MAP2K6: variants seen among roughly 807,000 people sequenced by gnomAD.
MAP2K6 encodes the protein mitogen-activated protein kinase kinase 6, also known as dual specificity mitogen-activated protein kinase kinase 6.
A neutral mutation model predicts 53.7 loss-of-function variants in MAP2K6; 16 were observed. The observed-to-expected ratio is 0.30, with a 90% CI of 0.20 to 0.45. The LOEUF is 0.45. Ranked by LOEUF, MAP2K6 falls within the 20% of genes least tolerant of loss-of-function variation. The pLI, the probability that MAP2K6 is intolerant of heterozygous loss-of-function variation, is 1.00. For synonymous variants in MAP2K6, 132 were observed against 143.1 expected, an observed-to-expected ratio of 0.92 and a Z score of 0.55; for missense variants, 204 against 411.9, an observed-to-expected ratio of 0.50 and a Z score of 4.37.
intron 1 of MAP2K6, among the ~76,000 whole-genome samples, chr17:69,452,554 T>C (rs1371919458): frequency 6.6e-6 from 1 of 152,164 alleles, no homozygotes; most frequent in African/African-American, 2.4e-5. Context: ...TAGATAACAG[T>C]AGATTCACAT....
intron 1 of MAP2K6, among the ~76,000 whole-genome samples, chr17:69,462,623 GT>G (rs1450075246): frequency 2.0e-5 from 3 of 152,158 alleles, no homozygotes; most frequent in Admixed American, 1.3e-4. Context: ...GTGACCCTGT[GT>G]GATTAAGTCT....
intron 1 of MAP2K6, among the ~76,000 whole-genome samples, chr17:69,468,973 A>G (rs1007612300): frequency 6.6e-6 from 1 of 152,222 alleles, no homozygotes; most frequent in African/African-American, 2.4e-5. Flanking sequence ...GAGCAATTGA[A>G]CAAGTCATGG....
chr17:69,510,499 C>A (rs1018089198), intron 2 of MAP2K6, among the ~76,000 whole-genome samples: 2 of 151,988 alleles, frequency 1.3e-5, no homozygotes, highest in Admixed American at 6.6e-5. Context: ...GTAAGTGTTG[C>A]TTCTATTTTT....
chr17:69,496,801 C>T (rs1342102183), intron 1 of MAP2K6, among the ~76,000 whole-genome samples: 3 of 152,110 alleles, frequency 2.0e-5, no homozygotes, highest in Non-Finnish European at 2.9e-5. Flanking sequence ...TTCTGCCATG[C>T]GTCCCGTCCC....
intron 1 of MAP2K6, among the ~76,000 whole-genome samples, chr17:69,466,354 G>A (rs1176260429): frequency 6.6e-6 from 1 of 151,456 alleles, no homozygotes; most frequent in Non-Finnish European, 1.5e-5. Context: ...CCTTCCTCTA[G>A]TAGCTTGTCC....
intron 10 of MAP2K6, among the ~76,000 whole-genome samples, chr17:69,531,334 T>C (rs1911075493): frequency 6.6e-6 from 1 of 152,192 alleles, no homozygotes; most frequent in Admixed American, 6.5e-5. Flanking sequence ...GCATTCGATG[T>C]CACAAAGCTA....
At chr17:69,472,091 G>C (rs184982699) in intron 1 of MAP2K6, among the ~76,000 whole-genome samples, 14 of 152,186 alleles carry the variant, frequency 9.2e-5, no homozygotes, top group Admixed American at 6.5e-5. Context: ...GTCCTGTAAA[G>C]CTGAGTGACT....
chr17:69,545,276 G>A lies in MAP2K6; in HGVS notation c.*3523G>A, dbSNP rs1465813322. 4 of 152,060 alleles carry A rather than the reference G, an allele frequency of 2.6e-5. No homozygotes were observed. The highest frequency in any genetic ancestry group is 4.4e-5 in the Non-Finnish European group (3 of 68,022). The allele number at this position is 152,060 out of a possible 1,614,324, so 9.4% of individuals were successfully genotyped here. On this transcript the variant is annotated 3_prime_UTR_variant, in exon 12 of 12. Transcript: ENST00000590474. ...AGATAGAACCCCCATAAAGGTATAT[G>A]TTTGTTGATAAAATATCAGGTCATC...
chr17:69,464,119 C>G (rs751177080), intron 1 of MAP2K6, among the ~76,000 whole-genome samples: 2 of 152,162 alleles, frequency 1.3e-5, no homozygotes, highest in East Asian at 3.9e-4. Flanking sequence ...CGGAGTCTCA[C>G]TCTTGCTCAG....
intron 10 of MAP2K6, among the ~76,000 whole-genome samples, chr17:69,534,807 A>G (rs1911273147): frequency 6.6e-6 from 1 of 151,902 alleles, no homozygotes; most frequent in Non-Finnish European, 1.5e-5. Flanking sequence ...TTCCATTCCA[A>G]TGCCAGGCAA....
At chr17:69,419,049 G>A (rs944655953) in intron 1 of MAP2K6, among the ~76,000 whole-genome samples, 13 of 151,854 alleles carry the variant, frequency 8.6e-5, no homozygotes, top group African/African-American at 2.9e-4. Flanking sequence ...ATTGTATTTT[G>A]TAACTTGCTT....
At chr17:69,481,658 C>T (rs1288025179) in intron 1 of MAP2K6, among the ~76,000 whole-genome samples, 2 of 152,050 alleles carry the variant, frequency 1.3e-5, no homozygotes, top group Admixed American at 1.3e-4. Flanking sequence ...ATGACTGTCC[C>T]TCTCTATATC....
At chr17:69,493,383 AATAACCTGTT>A (rs1046907347) in intron 1 of MAP2K6, among the ~76,000 whole-genome samples, 8 of 152,182 alleles carry the variant, frequency 5.3e-5, no homozygotes, top group African/African-American at 1.9e-4. Flanking sequence ...AAACAATAAT[AATAACCTGTT>A]ATAAAAACGA....
chr17:69,483,513 A>T (rs962907050), intron 1 of MAP2K6, among the ~76,000 whole-genome samples: 5 of 152,094 alleles, frequency 3.3e-5, no homozygotes, highest in Non-Finnish European at 7.4e-5. Flanking sequence ...TATTGTTAAG[A>T]TGGCAGTAGT....
rs541990700 is a variant in MAP2K6 at position 69,521,212 on chromosome 17, AAG to A, written c.535+116_535+117del. 2.8e-4 allele frequency: 236 copies of A among 843,132 alleles called. 3 individuals are homozygous for A. The African/African-American group carries it at 3.4e-3, about 12-fold the overall frequency. The allele number at this position is 843,132 out of a possible 1,614,324, so 52.2% of individuals were successfully genotyped here. A position where few individuals can be genotyped will look rare whatever the true frequency, so the allele number is the denominator to read the frequency against. ...GGGTGGAAGTAGAATTGACTCAGGC[AAG>A]AGAACTAAGGGGCTTTCCTTTGAGA... On this transcript the variant is annotated intron_variant, in intron 7 of 11. Transcript: ENST00000590474.
rs35219021 is a variant in MAP2K6 at position 69,429,283 on chromosome 17, G to GA, written c.16+14300dup. Among the ~76,000 whole-genome samples, 403 of 135,874 alleles carry GA rather than the reference G, an allele frequency of 3.0e-3. 1 individual carries two copies. The highest frequency in any genetic ancestry group is 5.4e-3 in the African/African-American group (201 of 36,988). The allele number at this position is 135,874 out of a possible 152,430, so 89.1% of individuals were successfully genotyped here. A position where few individuals can be genotyped will look rare whatever the true frequency, so the allele number is the denominator to read the frequency against. On this transcript the variant is annotated intron_variant, in intron 1 of 11. Transcript: ENST00000590474. The stretch of plus-strand genomic sequence containing the variant: ...GTGAGACTCTGTCTCTACAAAAAGT[G>GA]AAAAAAAAAAAAAAAAATTAGCCGG...
chr17:69,495,452 T>A (rs1908912306), intron 1 of MAP2K6, among the ~76,000 whole-genome samples: 1 of 151,932 alleles, frequency 6.6e-6, no homozygotes, highest in Non-Finnish European at 1.5e-5. Flanking sequence ...GCCAGGGTGG[T>A]CTCAAACTCC....
At chr17:69,510,836 T>TGA in intron 2 of MAP2K6, among the ~76,000 whole-genome samples, 1 of 152,182 alleles carries the variant, frequency 6.6e-6, no homozygotes, top group East Asian at 1.9e-4. Context: ...AATTTGTGTC[T>TGA]TCTTTTGTTA....
chr17:69,439,581 G>T (rs1054923374), intron 1 of MAP2K6, among the ~76,000 whole-genome samples: 7 of 152,182 alleles, frequency 4.6e-5, no homozygotes, highest in African/African-American at 1.7e-4. Flanking sequence ...CAATTAGTAA[G>T]TTGTGGTGCC....
Sources: allele counts gnomAD v4.1 joint callset (sites outside exome capture counted in the v4.1 genomes callset), GRCh38; gene constraint gnomAD v4.1.1; transcripts MANE v1.5; gene names NCBI Gene and HGNC (gene_info 2026-07-23, HGNC 2026-07-21).